The following FIG4 variants were observed in gnomAD, a reference collection of about 807,000 sequenced individuals.
FIG4 encodes the protein FIG4 phosphoinositide 5-phosphatase.
A neutral mutation model predicts 118.6 loss-of-function variants in FIG4; 112 were observed. The ratio of observed to expected loss-of-function variants is 0.94; its 90% CI spans 0.81 to 1.11. The LOEUF is 1.11. FIG4 is among the 50% of genes least tolerant of loss of function. FIG4 has a pLI of 0.00. For missense variants in FIG4, 969 were observed against 1,111.7 expected, an observed-to-expected ratio of 0.87 and a Z score of 1.83; for synonymous variants, 369 against 381.2, an observed-to-expected ratio of 0.97 and a Z score of 0.37.
intron 15 of FIG4, among the ~76,000 whole-genome samples, chr6:109,769,122 G>A (rs1023121546): frequency 1.1e-5 from 1 of 93,922 alleles, no homozygotes; most frequent in South Asian, 4.0e-4. Flanking sequence ...TTTTTTTTTT[G>A]AGAGGGAGTC....
In FIG4 at chr6:109,730,434, G is replaced by A. The variant is rs1775961774; in HGVS notation, c.447-2203G>A. On this transcript the variant is annotated intron_variant, in intron 4 of 22. Transcript: ENST00000230124. The stretch of plus-strand genomic sequence containing the variant: ...TTGACATGATTTTAAAAGTCATATG[G>A]AAAAGCAAATGTCTAAGCATGGTCC... Among the ~76,000 whole-genome samples, 3 of 152,218 alleles carry A rather than the reference G, an allele frequency of 2.0e-5. No homozygotes were observed. The South Asian group carries it at 6.2e-4, about 32-fold the overall frequency.
At chr6:109,747,857 C>T (rs1180783968) in intron 10 of FIG4, among the ~76,000 whole-genome samples, 2 of 152,108 alleles carry the variant, frequency 1.3e-5, no homozygotes, top group Non-Finnish European at 2.9e-5. Flanking sequence ...AAGATCATAG[C>T]TCGCTGCAAC....
Position 109,797,421 on chromosome 6 carries a change from A to G in FIG4, c.2546+570A>G, listed in dbSNP as rs1778317940. 3.9e-5 allele frequency among the ~76,000 whole-genome samples: 6 copies of G among 152,344 alleles called. 1 individual carries two copies. In the South Asian group the frequency reaches 1.2e-3, roughly 32 times the overall value. ...AGGACAGTGATGAGACTCAAATGAA[A>G]TAATGTACACAAAGTGCTTAGAGTA... On this transcript the variant is annotated intron_variant, in intron 22 of 22. Coordinates refer to ENST00000230124, the MANE Select transcript of FIG4 (RefSeq NM_014845.6).
At chr6:109,715,232 A>T in intron 2 of FIG4, 56 bp downstream of exon 2, 2 of 839,740 alleles carry the variant, frequency 2.4e-6, no homozygotes, top group Non-Finnish European at 4.1e-6. Context: ...TGTTTAAAGG[A>T]CATGAAATAT....
At chr6:109,789,112 G>A (rs1001113418) in intron 18 of FIG4, among the ~76,000 whole-genome samples, 3 of 152,248 alleles carry the variant, frequency 2.0e-5, no homozygotes, top group African/African-American at 7.2e-5. Flanking sequence ...GCTTAAAAAT[G>A]TTGTCCATGA....
At chr6:109,800,094 A>C (rs1349312850) in intron 22 of FIG4, among the ~76,000 whole-genome samples, 4 of 152,006 alleles carry the variant, frequency 2.6e-5, no homozygotes, top group Admixed American at 6.6e-5. Flanking sequence ...GGCACAGAGA[A>C]GTTATGTAAC....
chr6:109,738,541 A>G lies in FIG4; in HGVS notation c.775+88A>G, dbSNP rs1776230762. ...ACAGCTACATATGAATTATATGATT[A>G]TAATACCACTCTGTGCACCCCAACA... On this transcript the variant is annotated intron_variant, in intron 7 of 22. Transcript: ENST00000230124. The G allele has an allele frequency of 1.3e-5, 16 of 1,256,700 alleles. No homozygotes were observed. The South Asian group carries it at 1.9e-4, about 15-fold the overall frequency. The allele number at this position is 1,256,700 out of a possible 1,614,324, so 77.8% of individuals were successfully genotyped here.
chr6:109,813,564 G>T (rs1476246835), intron 22 of FIG4, among the ~76,000 whole-genome samples: 4 of 152,110 alleles, frequency 2.6e-5, no homozygotes. Context: ...TATAGAATAG[G>T]CATTGATTTG....
At chr6:109,695,601 G>A in intron 1 of FIG4, among the ~76,000 whole-genome samples, 1 of 99,344 alleles carries the variant, frequency 1.0e-5, no homozygotes, top group East Asian at 2.5e-4. Context: ...CACACACACA[G>A]ACACACACAC....
chr6:109,764,925 G>GTTTTTGTTTTTA (rs1350202670), intron 13 of FIG4, 88 bp from the exon 14 acceptor site: 3 of 1,268,392 alleles, frequency 2.4e-6, no homozygotes, highest in Non-Finnish European at 3.4e-6. Flanking sequence ...TTTTGTTTTT[G>GTTTTTGTTTTTA]TTTTTGTTTC....
intron 16 of FIG4, among the ~76,000 whole-genome samples, chr6:109,784,344 A>G (rs1370089940): frequency 1.3e-5 from 2 of 152,182 alleles, no homozygotes; most frequent in Non-Finnish European, 2.9e-5. Flanking sequence ...CAGACAGGTG[A>G]CATTCTTTAC....
At chr6:109,738,483 A>C in intron 7 of FIG4, 30 bp downstream of exon 7, 1 of 1,592,534 alleles carries the variant, frequency 6.3e-7, no homozygotes, top group Non-Finnish European at 8.6e-7. Context: ...AGTAAGATAC[A>C]TATTACTAAA....
chr6:109,720,731 G>A (rs1019741923), intron 3 of FIG4, among the ~76,000 whole-genome samples: 8 of 152,114 alleles, frequency 5.3e-5, no homozygotes, highest in African/African-American at 1.2e-4. Context: ...GTCTTTTCAC[G>A]GGCCGGTTCT....
chr6:109,746,884 G>A (rs1323578691), intron 10 of FIG4, among the ~76,000 whole-genome samples: 1 of 152,128 alleles, frequency 6.6e-6, no homozygotes, highest in Non-Finnish European at 1.5e-5. Context: ...GAGATGTAGA[G>A]AAGTGGACAG....
chr6:109,721,898 C>T (rs912913491), intron 3 of FIG4, among the ~76,000 whole-genome samples: 10 of 151,922 alleles, frequency 6.6e-5, no homozygotes, highest in African/African-American at 9.7e-5. Flanking sequence ...TATAAATAGC[C>T]TGGTGCTAAA....
intron 22 of FIG4, among the ~76,000 whole-genome samples, chr6:109,820,421 G>A (rs184004165): frequency 5.3e-5 from 8 of 152,298 alleles, no homozygotes; most frequent in African/African-American, 1.9e-4. Flanking sequence ...CACCCCCCAA[G>A]TCTCCCATCA....
chr6:109,763,843 C>T (rs1002819515), intron 12 of FIG4, 94 bp from the exon 13 acceptor site: 6 of 881,568 alleles, frequency 6.8e-6, no homozygotes, highest in Non-Finnish European at 1.1e-5. Context: ...AGCTCTATTA[C>T]TTTAATTCTA....
At chr6:109,825,045 A>C (rs755631469) in intron 22 of FIG4, 43 bp from the exon 23 acceptor site, 2 of 1,579,772 alleles carry the variant, frequency 1.3e-6, no homozygotes, top group Non-Finnish European at 1.7e-6. Flanking sequence ...GTCCTTCCTT[A>C]TATTTTCTTT....
At chr6:109,786,146 A>G (rs987746192) in intron 17 of FIG4, 156 bp from the exon 18 acceptor site, 2 of 633,538 alleles carry the variant, frequency 3.2e-6, no homozygotes, top group African/African-American at 1.8e-5. Context: ...CTCCTTTCTA[A>G]CTGTGTAAGT....
Sources: gnomAD v4.1 joint callset for allele counts (sites outside exome capture counted in the v4.1 genomes callset) on GRCh38, gnomAD v4.1.1 for gene constraint, MANE v1.5 for transcripts, NCBI Gene and HGNC (gene_info 2026-07-23, HGNC 2026-07-21) for gene names.